ZBTB16: variants seen among roughly 807,000 people sequenced by gnomAD.
ZBTB16 encodes zinc finger and BTB domain containing 16.
ZBTB16 carries 8 observed loss-of-function variants against 56.8 expected under a neutral mutation model. That is an observed-to-expected ratio of 0.14 (90% CI 0.08 to 0.25). The LOEUF (loss-of-function observed/expected upper bound fraction) is 0.25, where lower values mean the gene tolerates loss of function less well. Among genes scored for constraint, ZBTB16 ranks in the 10% least tolerant of loss-of-function variants. ZBTB16 has a pLI of 1.00. For missense variants in ZBTB16, 625 were observed against 903.0 expected (o/e 0.69, Z 3.95); for synonymous variants, 363 against 368.5 (o/e 0.98, Z 0.17).
At chr11:114,243,787 A>T (rs1218735423) in intron 5 of ZBTB16, among the ~76,000 whole-genome samples, 1 of 152,224 alleles carries the variant, frequency 6.6e-6, no homozygotes, top group East Asian at 1.9e-4. Flanking sequence ...ACTGGGTCCA[A>T]TCAGTTGGCT....
At chr11:114,230,908 C>T (rs1276613142) in intron 4 of ZBTB16, among the ~76,000 whole-genome samples, 1 of 152,126 alleles carries the variant, frequency 6.6e-6, no homozygotes, top group Non-Finnish European at 1.5e-5. Context: ...GGGTCTCCTC[C>T]TGCCTCCTGC....
intron 2 of ZBTB16, among the ~76,000 whole-genome samples, chr11:114,105,976 G>T (rs1940774102): frequency 6.6e-6 from 1 of 152,180 alleles, no homozygotes; most frequent in Non-Finnish European, 1.5e-5. Flanking sequence ...ATTAACTCAA[G>T]AATGCAATTT....
intron 4 of ZBTB16, among the ~76,000 whole-genome samples, chr11:114,225,086 AG>A (rs1278633398): frequency 2.6e-5 from 4 of 152,172 alleles, no homozygotes; most frequent in Admixed American, 2.6e-4. Flanking sequence ...GATCCCAGGC[AG>A]GGGAGTTCAG....
intron 3 of ZBTB16, among the ~76,000 whole-genome samples, chr11:114,169,715 C>T (rs1942901378): frequency 6.6e-6 from 1 of 152,130 alleles, no homozygotes; most frequent in African/African-American, 2.4e-5. Flanking sequence ...TGGGTGTGCT[C>T]ATTGTGACCG....
At chr11:114,176,896 G>C (rs1219922362) in intron 3 of ZBTB16, among the ~76,000 whole-genome samples, 1 of 152,152 alleles carries the variant, frequency 6.6e-6, no homozygotes, top group Non-Finnish European at 1.5e-5. Context: ...CCTAAGGGTG[G>C]TCCTGTCTCC....
chr11:114,221,541 A>G lies in ZBTB16; in HGVS notation c.1454-20626A>G, dbSNP rs139280694. 2.1e-4 allele frequency among the ~76,000 whole-genome samples: 32 copies of G among 152,302 alleles called. 1 individual carries two copies. Among genetic ancestry groups the G allele is most frequent in the African/African-American group, 7.5e-4 (31 of 41,566 alleles). On this transcript the variant is annotated intron_variant, in intron 4 of 6. Coordinates refer to ENST00000335953, the MANE Select transcript of ZBTB16 (RefSeq NM_006006.6). The stretch of plus-strand genomic sequence containing the variant: ...TTAGAGAATGTTTCAGGGACTCCAC[A>G]CACATTCATTCCCCTTCTCCACTCC...
chr11:114,118,286 C>A (rs1280389281), intron 2 of ZBTB16, among the ~76,000 whole-genome samples: 2 of 152,140 alleles, frequency 1.3e-5, no homozygotes, highest in African/African-American at 4.8e-5. Context: ...AAGTTATTCT[C>A]CTGCCTCAGC....
At chr11:114,182,330 G>A (rs898209071) in intron 3 of ZBTB16, among the ~76,000 whole-genome samples, 14 of 152,266 alleles carry the variant, frequency 9.2e-5, no homozygotes, top group African/African-American at 2.2e-4. Flanking sequence ...GATTACAGGC[G>A]TGAGCCATTG....
chr11:114,156,768 A>G (rs932411381), intron 3 of ZBTB16, among the ~76,000 whole-genome samples: 3 of 152,228 alleles, frequency 2.0e-5, no homozygotes, highest in South Asian at 2.1e-4. Flanking sequence ...GAATCTGACT[A>G]TTGGGTTCAC....
chr11:114,092,290 A>T (rs771492395), intron 2 of ZBTB16, among the ~76,000 whole-genome samples: 24 of 152,220 alleles, frequency 1.6e-4, no homozygotes, highest in Middle Eastern at 6.8e-3. Flanking sequence ...GGCTTAGGGG[A>T]GAAGCGAGGG....
At chr11:114,084,551 C>T (rs1939893996) in intron 2 of ZBTB16, among the ~76,000 whole-genome samples, 2 of 151,904 alleles carry the variant, frequency 1.3e-5, no homozygotes, top group African/African-American at 4.8e-5. Context: ...GATCTGTGGC[C>T]AGCTGTGTGA....
intron 4 of ZBTB16, among the ~76,000 whole-genome samples, chr11:114,220,932 A>T (rs1332113928): frequency 6.6e-6 from 1 of 152,186 alleles, no homozygotes; most frequent in African/African-American, 2.4e-5. Context: ...CTGTCATAAA[A>T]GTTTTCCAGG....
At chr11:114,113,917 CA>C in intron 2 of ZBTB16, among the ~76,000 whole-genome samples, 1 of 152,276 alleles carries the variant, frequency 6.6e-6, no homozygotes. Context: ...CAAAGTTGCA[CA>C]ATCAATATTA....
chr11:114,074,943 G>A (rs955918015), intron 2 of ZBTB16, among the ~76,000 whole-genome samples: 1 of 152,106 alleles, frequency 6.6e-6, no homozygotes, highest in Non-Finnish European at 1.5e-5. Context: ...CAGTGAGGGC[G>A]ACTTAACCGT....
chr11:114,182,349 C>T (rs1318610414), intron 3 of ZBTB16, among the ~76,000 whole-genome samples: 1 of 152,114 alleles, frequency 6.6e-6, no homozygotes, highest in Non-Finnish European at 1.5e-5. Flanking sequence ...TGTGTCCGGC[C>T]CTCTTCATTT....
At chr11:114,169,140 A>G (rs958155705) in intron 3 of ZBTB16, among the ~76,000 whole-genome samples, 2 of 152,130 alleles carry the variant, frequency 1.3e-5, no homozygotes, top group African/African-American at 2.4e-5. Context: ...TGGCGACGCA[A>G]CTGGGTGCTC....
chr11:114,071,606 A>C (rs1939350936), intron 2 of ZBTB16, among the ~76,000 whole-genome samples: 1 of 152,184 alleles, frequency 6.6e-6, no homozygotes, highest in African/African-American at 2.4e-5. Context: ...CAATCACTTT[A>C]ATTTTTTTTA....
chr11:114,241,003 G>A (rs868329661), intron 4 of ZBTB16, among the ~76,000 whole-genome samples: 19 of 151,982 alleles, frequency 1.3e-4, no homozygotes, highest in Middle Eastern at 3.2e-3. Flanking sequence ...TCCTCCCACC[G>A]GCCATGTTTC....
chr11:114,178,105 G>A (rs1402646111), intron 3 of ZBTB16, among the ~76,000 whole-genome samples: 2 of 152,170 alleles, frequency 1.3e-5, no homozygotes, highest in Admixed American at 6.5e-5. Flanking sequence ...TCCTGGGGAA[G>A]AATGATCTGA....
Sources: gnomAD v4.1 joint callset for allele counts (sites outside exome capture counted in the v4.1 genomes callset) on GRCh38, gnomAD v4.1.1 for gene constraint, MANE v1.5 for transcripts, NCBI Gene and HGNC (gene_info 2026-07-23, HGNC 2026-07-21) for gene names.